The following FGF14 variants were observed in gnomAD, a reference collection of about 807,000 sequenced individuals.
FGF14 encodes fibroblast growth factor 14.
Under a neutral mutation model 25.5 loss-of-function variants are expected in FGF14, and 5 were observed. The observed-to-expected ratio is 0.20, with a 90% confidence interval of 0.10 to 0.41. The LOEUF (loss-of-function observed/expected upper bound fraction) is 0.41. Among genes scored for constraint, FGF14 ranks in the 10% least tolerant of loss-of-function variants. The pLI is 1.00. For synonymous variants in FGF14, 138 were observed against 118.3 expected (o/e 1.17, Z -1.08); for missense variants, 222 against 320.1 (o/e 0.69, Z 2.34).
chr13:102,168,847 AAC>A (rs1566775730), intron 1 of FGF14, among the ~76,000 whole-genome samples: 2 of 152,118 alleles, frequency 1.3e-5, no homozygotes, highest in African/African-American at 4.8e-5. Flanking sequence ...TTAGTCAACA[AAC>A]ACACACTGAA....
chr13:102,154,322 C>G (rs1485430255), intron 1 of FGF14, among the ~76,000 whole-genome samples: 4 of 151,502 alleles, frequency 2.6e-5, no homozygotes, highest in Admixed American at 6.6e-5. Flanking sequence ...GATCTCTCGG[C>G]AGAAACCCTA....
chr13:102,339,736 T>C (rs529295335), intron 1 of FGF14, among the ~76,000 whole-genome samples: 1 of 152,208 alleles, frequency 6.6e-6, no homozygotes, highest in African/African-American at 2.4e-5. Context: ...TAATATCACA[T>C]ATTATTTTCC....
chr13:102,042,994 A>G (rs2041814726), intron 1 of FGF14, among the ~76,000 whole-genome samples: 1 of 152,230 alleles, frequency 6.6e-6, no homozygotes, highest in Admixed American at 6.5e-5. Flanking sequence ...ACTAAAAAAT[A>G]CGAATTTACC....
intron 1 of FGF14, among the ~76,000 whole-genome samples, chr13:102,041,945 T>C (rs1178187463): frequency 1.3e-5 from 2 of 152,132 alleles, no homozygotes; most frequent in Admixed American, 1.3e-4. Context: ...TGCTTGAGAA[T>C]GCACATCTTA....
chr13:101,739,442 A>G (rs1045741892), intron 3 of FGF14, among the ~76,000 whole-genome samples: 1 of 152,184 alleles, frequency 6.6e-6, no homozygotes, highest in African/African-American at 2.4e-5. Context: ...TTATAAGAAA[A>G]GGAATGATTT....
At chr13:101,768,290 A>C (rs184565043) in intron 3 of FGF14, among the ~76,000 whole-genome samples, 14 of 152,302 alleles carry the variant, frequency 9.2e-5, no homozygotes, top group African/African-American at 3.4e-4. Flanking sequence ...TATGAGGAGA[A>C]CTGTAAGGCT....
At chr13:102,192,516 A>G (rs2049167742) in intron 1 of FGF14, among the ~76,000 whole-genome samples, 1 of 152,060 alleles carries the variant, frequency 6.6e-6, no homozygotes, top group African/African-American at 2.4e-5. Context: ...TGGTTCCTTT[A>G]TGCTTAACAA....
chr13:101,757,254 TCC>T (rs2037725060), intron 3 of FGF14, among the ~76,000 whole-genome samples: 1 of 152,166 alleles, frequency 6.6e-6, no homozygotes, highest in Non-Finnish European at 1.5e-5. Flanking sequence ...CTTAACAAAG[TCC>T]TATAGCCTTT....
chr13:102,331,143 T>C (rs1038423239), intron 1 of FGF14, among the ~76,000 whole-genome samples: 28 of 152,196 alleles, frequency 1.8e-4, no homozygotes, highest in African/African-American at 6.8e-4. Context: ...AAATGTTATA[T>C]ATAAAGCAGT....
intron 1 of FGF14, among the ~76,000 whole-genome samples, chr13:102,310,620 CCTT>C (rs1016185223): frequency 1.5e-5 from 2 of 137,204 alleles, no homozygotes; most frequent in Admixed American, 1.7e-4. Flanking sequence ...AGGAATAAAA[CCTT>C]CTTTCCTTTC....
chr13:102,400,779 G>A lies in FGF14; in HGVS notation c.208+692C>T, dbSNP rs1020238104. 2.6e-5 allele frequency among the ~76,000 whole-genome samples: 4 copies of A among 152,146 alleles called. No homozygotes were observed. The highest frequency in any genetic ancestry group is 6.5e-5 in the Admixed American group (1 of 15,276). The stretch of plus-strand genomic sequence containing the variant: ...GGGCTTTGACACCGCTTTCTAAAGG[G>A]GGGGACTTCAATTACAAATATTAGA... On this transcript the variant is annotated intron_variant, in intron 1 of 4. Transcript: ENST00000376131. The surrounding 1 kb of genome is among the most constrained non-coding windows in gnomAD (Gnocchi z 4.3).
intron 1 of FGF14, among the ~76,000 whole-genome samples, chr13:101,947,454 T>A (rs1169341082): frequency 6.6e-6 from 1 of 150,648 alleles, no homozygotes; most frequent in African/African-American, 2.5e-5. Flanking sequence ...CAATAATGGA[T>A]TGGATTAGAA....
At chr13:102,385,181 C>T (rs904628153) in intron 1 of FGF14, among the ~76,000 whole-genome samples, 1 of 152,200 alleles carries the variant, frequency 6.6e-6, no homozygotes, top group African/African-American at 2.4e-5. Flanking sequence ...TAAAGACTTA[C>T]TGACTACATA....
chr13:101,846,304 CTT>C (rs527567165), intron 3 of FGF14, among the ~76,000 whole-genome samples: 1 of 151,600 alleles, frequency 6.6e-6, no homozygotes, highest in East Asian at 1.9e-4. Context: ...ATTACTCCAT[CTT>C]TTTTTAAAAA....
chr13:102,322,226 A>G (rs1445123226), intron 1 of FGF14, among the ~76,000 whole-genome samples: 1 of 152,206 alleles, frequency 6.6e-6, no homozygotes, highest in Non-Finnish European at 1.5e-5. Flanking sequence ...TGAGCAGTTA[A>G]CTCAGTGGCT....
chr13:102,121,116 C>T (rs2045706614), intron 1 of FGF14, among the ~76,000 whole-genome samples: 1 of 152,138 alleles, frequency 6.6e-6, no homozygotes, highest in South Asian at 2.1e-4. Context: ...CCCTATTTTT[C>T]CACAACTGAC....
chr13:102,165,113 A>C (rs2140630399), intron 1 of FGF14, among the ~76,000 whole-genome samples: 1 of 152,232 alleles, frequency 6.6e-6, no homozygotes, highest in East Asian at 1.9e-4. Context: ...AACCACAATG[A>C]GATACCATCT....
intron 3 of FGF14, among the ~76,000 whole-genome samples, chr13:101,851,868 T>C (rs185266723): frequency 6.6e-6 from 1 of 152,232 alleles, no homozygotes; most frequent in East Asian, 1.9e-4. Context: ...CCTATGAATA[T>C]AATCAAGGAC....
At chr13:102,015,849 C>G (rs2040312158) in intron 1 of FGF14, among the ~76,000 whole-genome samples, 1 of 152,132 alleles carries the variant, frequency 6.6e-6, no homozygotes, top group Admixed American at 6.5e-5. Flanking sequence ...TGGATATAGT[C>G]TTAGTTAAAC....
Sources: gnomAD v4.1 joint callset for allele counts (sites outside exome capture counted in the v4.1 genomes callset) on GRCh38, gnomAD v4.1.1 for gene constraint, Gnocchi (gnomAD v3.1) non-coding constraint, MANE v1.5 for transcripts, NCBI Gene and HGNC (gene_info 2026-07-23, HGNC 2026-07-21) for gene names.